GATA2: variants seen among roughly 807,000 people sequenced by gnomAD.
GATA2 encodes endothelial transcription factor GATA-2.
A neutral mutation model predicts 35.7 loss-of-function variants in GATA2; 6 were observed. That is an observed-to-expected ratio of 0.17 (90% CI 0.09 to 0.33). GATA2 has a LOEUF of 0.33. GATA2 is among the 10% of genes least tolerant of loss of function. The probability of loss-of-function intolerance (pLI) is 1.00; values close to 1 mark genes in which losing one functional copy is unlikely to be tolerated. For missense variants in GATA2, 541 were observed against 656.6 expected (o/e 0.82, Z 1.92); for synonymous variants, 313 against 274.9 (o/e 1.14, Z -1.37).
At chr3:128,490,692 C>T (rs1262127043) in intron 1 of GATA2, 1 of 152,230 alleles carries the variant, frequency 6.6e-6, no homozygotes, top group Non-Finnish European at 1.5e-5. Context: ...CCAACCGGGC[C>T]CCTCCCCATT....
Position 128,485,975 on chromosome 3 carries a change from T to G in GATA2, c.623A>C (p.Lys208Thr). 1 of 1,614,214 alleles carries G rather than the reference T, an allele frequency of 6.2e-7. No homozygotes were observed. The highest frequency in any genetic ancestry group is 8.5e-7 in the Non-Finnish European group (1 of 1,180,024). Residue 208 changes from lysine (K) to threonine (T), a missense_variant, in exon 3 of 6, where the codon AAG becomes ACG. By Grantham distance (78) the Lys-to-Thr change is moderately conservative. This residue lies in a region of GATA2 where 389 missense variants were observed against 396.9 expected (regional missense o/e 0.98). Transcript: ENST00000341105. The stretch of plus-strand genomic sequence containing the variant: ...TGACACCTGGTACTTGACGCCGTCC[T>G]TGTCCTCTCCTCGGGCTGCACTACC... Reference protein sequence around the residue: ...AGGSAARGEDKDGVKYQVSLT... With the variant: ...AGGSAARGEDTDGVKYQVSLT...
chr3:128,481,797 G>A, intron 5 of GATA2, 22 bp downstream of exon 5: 3 of 1,608,186 alleles, frequency 1.9e-6, no homozygotes, highest in Non-Finnish European at 2.5e-6. Flanking sequence ...GGGGCGGGGT[G>A]GCCGGGGCGG....
At chr3:128,483,778 T>G in intron 4 of GATA2, 82 bp downstream of exon 4, 1 of 1,571,382 alleles carries the variant, frequency 6.4e-7, no homozygotes, top group Non-Finnish European at 8.7e-7. Flanking sequence ...AGCGTCTGCA[T>G]TTGAAGGAGT....
In GATA2 at chr3:128,488,690, C is replaced by T. The variant is rs2068738418; in HGVS notation, c.-45-1614G>A. ...GGAGACGCCCCCGGGCAAGAGGTGG[C>T]ATTTTTTTTCCTCCGGGGGGGGTCC... On this transcript the variant is annotated intron_variant, in intron 1 of 5. Transcript: ENST00000341105. This position sits in a 1 kb window ranked among gnomAD's most constrained non-coding sequence, Gnocchi z 5.8. Among the ~76,000 whole-genome samples the T allele has an allele frequency of 6.6e-6, 1 of 151,628 alleles. No homozygotes were observed.
Position 128,480,818 on chromosome 3 carries a change from C to T in GATA2, c.*201G>A, listed in dbSNP as rs1416698070. ...CATGCAGGAAACCCCACCTGGGCAGCGGTCAGGTGCGGAGGCAGCCTCTCA... is the reference window on the plus strand; with the variant it reads ...CATGCAGGAAACCCCACCTGGGCAGTGGTCAGGTGCGGAGGCAGCCTCTCA... On this transcript the variant is annotated 3_prime_UTR_variant, in exon 6 of 6. Coordinates refer to ENST00000341105, the MANE Select transcript of GATA2 (RefSeq NM_032638.5). The T allele has an allele frequency of 5.1e-6, 3 of 582,582 alleles. No individual in the cohort carries two copies. Among genetic ancestry groups the T allele is most frequent in the East Asian group, 2.9e-5 (1 of 34,912 alleles). 36.1% of individuals were successfully genotyped at this position (582,582 alleles called of 1,614,324 possible).
At chr3:128,482,361 G>A (rs745697299) in intron 4 of GATA2, among the ~76,000 whole-genome samples, 25 of 152,146 alleles carry the variant, frequency 1.6e-4, no homozygotes, top group Non-Finnish European at 3.2e-4. Context: ...CCTCTAGCAC[G>A]ACTCCGCTCA....
intron 3 of GATA2, among the ~76,000 whole-genome samples, chr3:128,485,456 G>C (rs2068681868): frequency 6.6e-6 from 1 of 152,166 alleles, no homozygotes; most frequent in African/African-American, 2.4e-5. Flanking sequence ...GGGAATTCCT[G>C]TTCTATGTTC....
rs954005309 is a variant in GATA2, at chr3:128,485,866, G to C, written c.732C>G (p.His244Gln). The change falls in exon 3 of 6, where the codon CAC (histidine) becomes CAG (glutamine). Residue 244 changes from histidine to glutamine, a missense_variant. By Grantham distance (24) the His-to-Gln change is conservative. Around this residue, in one of 5 missense-constraint regions of GATA2, gnomAD observed 389 missense variants for 396.9 expected, o/e 0.98. Coordinates refer to ENST00000341105, the MANE Select transcript of GATA2 (RefSeq NM_032638.5). Reference sequence around the variant, plus strand: ...CATAGGAGGGGTAGGTGGGGATGGGGTGGTGTGTAGCAGGCTGGGTGCCCA... The same window carrying C: ...CATAGGAGGGGTAGGTGGGGATGGGCTGGTGTGTAGCAGGCTGGGTGCCCA... ...ATMGTQPATH[H>Q]PIPTYPSYVP... 3 of 1,614,000 alleles carry C rather than the reference G, an allele frequency of 1.9e-6. No homozygotes were observed. In the African/African-American group the frequency reaches 4.0e-5, roughly 22 times the overall value.
Position 128,485,859 on chromosome 3 carries a change from G to T in GATA2, c.739C>A (p.Pro247Thr). 1 of 1,614,088 alleles carries T rather than the reference G, an allele frequency of 6.2e-7. No individual in the cohort carries two copies. Among genetic ancestry groups the T allele is most frequent in the Non-Finnish European group, 8.5e-7 (1 of 1,179,960 alleles). ...GCCGGCACATAGGAGGGGTAGGTGG[G>T]GATGGGGTGGTGTGTAGCAGGCTGG... Reference protein sequence around the residue: ...GTQPATHHPIPTYPSYVPAAA... With the variant: ...GTQPATHHPITTYPSYVPAAA... Residue 247 changes from proline (P) to threonine (T), a missense_variant, in exon 3 of 6, where the codon CCC (proline) becomes ACC (threonine). Physicochemically the swap from Pro to Thr is conservative, Grantham distance 38 (BLOSUM62 -1). Transcript: ENST00000341105.
chr3:128,489,680 C>T (rs2068749448), intron 1 of GATA2: 1 of 152,192 alleles, frequency 6.6e-6, no homozygotes, highest in Non-Finnish European at 1.5e-5. Context: ...GGTGAGCAGT[C>T]TCCGTGCCTC....
chr3:128,483,889 G>A lies in GATA2; in HGVS notation c.988C>T (p.Arg330Ter), dbSNP rs1576746847. The part of the protein sequence containing the change: ...GLYHKMNGQN[R>*]PLIKPKRRLS... ...CTTCGCTTGGGCTTGATGAGTGGTC[G>A]GTTCTGCCCATTCATCTTGTGGTAG... The change falls in exon 4 of 6, where the codon CGA becomes TGA. Residue 330 changes from arginine (R) to a stop codon, truncating the protein, a stop_gained. Coordinates refer to ENST00000341105, the MANE Select transcript of GATA2 (RefSeq NM_032638.5). LOFTEE classifies it high-confidence loss of function. The A allele has an allele frequency of 6.2e-7, 1 of 1,614,160 alleles. No individual in the cohort carries two copies. The highest frequency in any genetic ancestry group is 8.5e-7 in the Non-Finnish European group (1 of 1,180,036).
At chr3:128,483,638 C>T (rs1576746636) in intron 4 of GATA2, among the ~76,000 whole-genome samples, 1 of 152,150 alleles carries the variant, frequency 6.6e-6, no homozygotes, top group Admixed American at 6.5e-5. Flanking sequence ...AGTGGGGTGG[C>T]GCAAGGGTGC....
intron 4 of GATA2, chr3:128,482,173 A>T (rs897798619): frequency 5.1e-6 from 3 of 591,602 alleles, no homozygotes; most frequent in Non-Finnish European, 8.9e-6. Flanking sequence ...TGTTAGAATC[A>T]ACGGGATTGC....
rs1316353427 is a variant in GATA2 at position 128,491,215 on chromosome 3, C to CA, written c.-46+1683_-46+1684insT. ...GGTCTCCCCGGCCGTCCAGCCCCCC[C>CA]CCCCCTCTGAGCCCTTTGTTTAAAG... is the stretch of plus-strand genomic sequence containing the variant. On this transcript the variant is annotated intron_variant, in intron 1 of 5. Coordinates refer to ENST00000341105, the MANE Select transcript of GATA2 (RefSeq NM_032638.5). Among the ~76,000 whole-genome samples the CA allele has an allele frequency of 1.1e-4, 13 of 122,196 alleles. 1 individual carries two copies. Among genetic ancestry groups the CA allele is most frequent in the Admixed American group, 8.0e-5 (1 of 12,514 alleles). The allele number at this position is 122,196 out of a possible 152,430, so 80.2% of individuals were successfully genotyped here. A position where few individuals can be genotyped will look rare whatever the true frequency, so the allele number is the denominator to read the frequency against.
chr3:128,486,171 C>G lies in GATA2; in HGVS notation c.427G>C (p.Gly143Arg). Reference protein sequence around the residue: ...GPGGPLSVYPGAGGGSGGGSG... With the variant: ...GPGGPLSVYPRAGGGSGGGSG... ...CCTCCCCCGCTCCCACCCCCAGCCC[C>G]TGGGTACACAGAGAGTGGGCCTCCA... is the stretch of plus-strand genomic sequence containing the variant. The change falls in exon 3 of 6, where the codon GGG becomes CGG. Residue 143 changes from glycine (G) to arginine (R), a missense_variant. Gly to Arg is a moderately radical substitution (Grantham distance 125). Transcript: ENST00000341105. 6 of 1,568,052 alleles carry G rather than the reference C, an allele frequency of 3.8e-6. No individual in the cohort carries two copies. Among genetic ancestry groups the G allele is most frequent in the Non-Finnish European group, 5.2e-6 (6 of 1,156,724 alleles).
chr3:128,486,393 A>G lies in GATA2; in HGVS notation c.230-25T>C. ...GCTGCGGGCAAAGAGAGAGAGGATC[A>G]GGGTGGGCAGAAAGATCAGGGTAGG... On this transcript the variant is annotated intron_variant, in intron 2 of 5. Coordinates refer to ENST00000341105, the MANE Select transcript of GATA2 (RefSeq NM_032638.5). 2.5e-6 allele frequency: 4 copies of G among 1,589,782 alleles called. No individual in the cohort carries two copies. The South Asian group carries it at 3.4e-5, about 14-fold the overall frequency.
rs2068798776 is a variant in GATA2, at chr3:128,493,159, GCTGGCCTCGCTACC to G, written c.-320_-307del. On this transcript the variant is annotated 5_prime_UTR_variant, in exon 1 of 6. Transcript: ENST00000341105. ...CTTGAGCAGCGAGTCCCGGGGCGACGCTGGCCTCGCTACCTTCCTGGCGCTCACGCTGCCTCTCT... is the reference window on the plus strand; with the variant it reads ...CTTGAGCAGCGAGTCCCGGGGCGACGTTCCTGGCGCTCACGCTGCCTCTCT... 1.3e-5 allele frequency: 2 copies of G among 152,244 alleles called. No individual in the cohort carries two copies. Among genetic ancestry groups the G allele is most frequent in the Admixed American group, 6.5e-5 (1 of 15,288 alleles). The allele number at this position is 152,244 out of a possible 1,614,324, so 9.4% of individuals were successfully genotyped here.
At position 128,481,834 on chromosome 3, in the gene GATA2, G is replaced by A. The variant is rs750890699; in HGVS notation, c.1128C>T (p.Tyr376=). 79 of 1,613,934 alleles carry A rather than the reference G, an allele frequency of 4.9e-5. No individual in the cohort carries two copies. Among genetic ancestry groups the A allele is most frequent in the Non-Finnish European group, 6.5e-5 (77 of 1,180,040 alleles). The change falls in exon 5 of 6, where the codon TAC becomes TAT. Residue 376 remains tyrosine (Y), a synonymous_variant. Coordinates refer to ENST00000341105, the MANE Select transcript of GATA2 (RefSeq NM_032638.5). ...GDPVCNACGL[Y]YKLHNVNRPL... ...GCGCACTCACATTGTGCAGCTTGTA[G>A]TAGAGGCCACAGGCGTTGCAGACAG...
chr3:128,486,840 A>T lies in GATA2; in HGVS notation c.192T>A (p.Ala64=). 1.2e-6 allele frequency: 2 copies of T among 1,611,360 alleles called. No individual in the cohort carries two copies. The highest frequency in any genetic ancestry group is 1.7e-6 in the Non-Finnish European group (2 of 1,179,240). The change falls in exon 2 of 6, where the codon GCT becomes GCA. Residue 64 remains alanine (A), a synonymous_variant. Transcript: ENST00000341105. The part of the protein sequence containing the change: ...SQGNPYYANP[A]HARARVSYSP... Reference sequence around the variant, plus strand: ...TGTAGGAGACGCGCGCCCGCGCGTGAGCGGGGTTGGCATAGTAGGGGTTGC... The same window carrying T: ...TGTAGGAGACGCGCGCCCGCGCGTGTGCGGGGTTGGCATAGTAGGGGTTGC...
Sources: allele counts gnomAD v4.1 joint callset (sites outside exome capture counted in the v4.1 genomes callset), GRCh38; gene constraint gnomAD v4.1.1; regional missense constraint gnomAD v4.1.1; non-coding constraint Gnocchi (gnomAD v3.1); transcripts MANE v1.5; gene names NCBI Gene and HGNC (gene_info 2026-07-23, HGNC 2026-07-21).